Variants in ADAM12 observed in about 807,000 individuals in gnomAD.
ADAM12 encodes ADAM metallopeptidase domain 12.
ADAM12 carries 70 observed loss-of-function variants against 106.4 expected under a neutral mutation model. The ratio of observed to expected loss-of-function variants is 0.66; its 90% confidence interval spans 0.54 to 0.80. ADAM12 has a LOEUF of 0.80. Ranked by LOEUF, ADAM12 falls within the 30% of genes least tolerant of loss-of-function variation. ADAM12 has a pLI of 0.00. For synonymous variants in ADAM12, 420 were observed against 433.5 expected (o/e 0.97, Z 0.39); for missense variants, 1,010 against 1,171.9 (o/e 0.86, Z 2.02).
intron 4 of ADAM12, among the ~76,000 whole-genome samples, chr10:126,151,312 G>C (rs187477388): frequency 3.3e-4 from 50 of 152,236 alleles, no homozygotes; most frequent in Admixed American, 1.3e-3. Context: ...ACTCACAAAA[G>C]CTATTAAAAT....
rs377428903 is a variant in ADAM12, at chr10:126,327,132, C to A, written c.186+3280G>T. Among the ~76,000 whole-genome samples the A allele has an allele frequency of 1.8e-3, 279 of 152,254 alleles. 2 individuals carry two copies. The highest frequency in any genetic ancestry group is 6.4e-3 in the African/African-American group (268 of 41,554). ...GGAGAGAATGGAGGGACAGTCAGAG[C>A]CCCGGAGCCATGGCGTGGGGCTGTG... On this transcript the variant is annotated intron_variant, in intron 2 of 22. Coordinates refer to ENST00000448723, the MANE Select transcript of ADAM12 (RefSeq NM_001288973.2).
At chr10:126,311,373 T>C (rs1461259664) in intron 2 of ADAM12, among the ~76,000 whole-genome samples, 2 of 152,320 alleles carry the variant, frequency 1.3e-5, no homozygotes, top group African/African-American at 4.8e-5. Flanking sequence ...AGCACAGTGC[T>C]TAGGGCACAG....
At chr10:126,324,956 G>A (rs1215074591) in intron 2 of ADAM12, among the ~76,000 whole-genome samples, 1 of 151,912 alleles carries the variant, frequency 6.6e-6, no homozygotes, top group Non-Finnish European at 1.5e-5. Context: ...TCCACGTGTG[G>A]TAGCTCTCAC....
intron 3 of ADAM12, among the ~76,000 whole-genome samples, chr10:126,247,475 C>T (rs1180198678): frequency 1.3e-5 from 2 of 152,164 alleles, no homozygotes; most frequent in South Asian, 4.1e-4. Context: ...AACCCTTGTC[C>T]ACTCAACAAT....
chr10:126,107,833 T>C lies in ADAM12; in HGVS notation c.741+760A>G, dbSNP rs143961768. Among the ~76,000 whole-genome samples the C allele has an allele frequency of 1.1e-3, 161 of 152,200 alleles. No individual in the cohort carries two copies. The East Asian group carries it at 0.028, about 27-fold the overall frequency. ...CAGGGCAACTCCAATATGCGGGGCT[T>C]GTGAGAAGCCTATTTTAGGCTAAGG... On this transcript the variant is annotated intron_variant, in intron 8 of 22. Transcript: ENST00000448723.
chr10:126,211,712 T>C (rs1957904413), intron 3 of ADAM12, among the ~76,000 whole-genome samples: 1 of 152,168 alleles, frequency 6.6e-6, no homozygotes, highest in South Asian at 2.1e-4. Context: ...CTCTGCCTCC[T>C]GGACCATGTG....
chr10:126,274,751 T>G (rs1959207642), intron 3 of ADAM12, among the ~76,000 whole-genome samples: 1 of 152,092 alleles, frequency 6.6e-6, no homozygotes, highest in South Asian at 2.1e-4. Context: ...TCAACATGGG[T>G]TGGGTCAAGG....
chr10:126,255,897 G>A (rs1216612449), intron 3 of ADAM12, among the ~76,000 whole-genome samples: 2 of 152,216 alleles, frequency 1.3e-5, no homozygotes, highest in South Asian at 2.1e-4. Flanking sequence ...GATCCAGCTA[G>A]TGCAGGCTGT....
At chr10:126,382,419 T>C (rs1420108625) in intron 1 of ADAM12, among the ~76,000 whole-genome samples, 3 of 152,156 alleles carry the variant, frequency 2.0e-5, no homozygotes, top group African/African-American at 7.2e-5. Context: ...AAGGATTAAG[T>C]TTAAACAATA....
chr10:126,373,542 C>T (rs140818279), intron 1 of ADAM12, among the ~76,000 whole-genome samples: 119 of 152,328 alleles, frequency 7.8e-4, no homozygotes, highest in Admixed American at 2.4e-3. Flanking sequence ...GATCCACTCG[C>T]TCTAGAGGCC....
At chr10:126,175,193 G>A (rs760661960) in intron 3 of ADAM12, among the ~76,000 whole-genome samples, 1 of 152,152 alleles carries the variant, frequency 6.6e-6, no homozygotes, top group Non-Finnish European at 1.5e-5. Context: ...CAGCACACAC[G>A]AGGAGGTGGT....
At chr10:126,352,759 G>A (rs1855407173) in intron 1 of ADAM12, among the ~76,000 whole-genome samples, 1 of 152,226 alleles carries the variant, frequency 6.6e-6, no homozygotes, top group Admixed American at 6.5e-5. Context: ...TGGGTGGGAA[G>A]TGAGCCTTGG....
chr10:126,057,765 G>A (rs1452424889), intron 14 of ADAM12, among the ~76,000 whole-genome samples: 1 of 152,212 alleles, frequency 6.6e-6, no homozygotes, highest in African/African-American at 2.4e-5. Flanking sequence ...AGGTTGCTCT[G>A]GGAGCTTGGA....
chr10:126,106,780 G>A lies in ADAM12; in HGVS notation c.741+1813C>T, dbSNP rs138362198. Among the ~76,000 whole-genome samples the A allele has an allele frequency of 2.2e-4, 34 of 152,158 alleles. No individual in the cohort carries two copies. In the East Asian group the frequency reaches 5.0e-3, roughly 22 times the overall value. ...ATTACAGGCGTAAGCCACCGCGCCC[G>A]CTCAGGCCTTTATCATTTCTATGCA... On this transcript the variant is annotated intron_variant, in intron 8 of 22. Transcript: ENST00000448723.
chr10:126,033,774 G>A (rs947460374), intron 21 of ADAM12, among the ~76,000 whole-genome samples: 10 of 152,152 alleles, frequency 6.6e-5, no homozygotes, highest in African/African-American at 2.4e-4. Context: ...ACTTTTAGTG[G>A]ATTTCTCATC....
intron 5 of ADAM12, among the ~76,000 whole-genome samples, chr10:126,129,707 G>A (rs1203096648): frequency 1.3e-5 from 2 of 152,296 alleles, no homozygotes; most frequent in Non-Finnish European, 2.9e-5. Flanking sequence ...CAAAATTAAC[G>A]TATGGCCTCA....
At chr10:126,031,253 T>TAACA (rs943588424) in intron 21 of ADAM12, among the ~76,000 whole-genome samples, 6 of 152,220 alleles carry the variant, frequency 3.9e-5, no homozygotes, top group African/African-American at 1.4e-4. Flanking sequence ...GAGAACATAC[T>TAACA]AACAAATGGG....
intron 3 of ADAM12, among the ~76,000 whole-genome samples, chr10:126,257,245 A>T (rs1322627565): frequency 6.6e-6 from 1 of 152,254 alleles, no homozygotes; most frequent in Non-Finnish European, 1.5e-5. Context: ...GAATGATGTC[A>T]GGCAGTGATG....
intron 3 of ADAM12, among the ~76,000 whole-genome samples, chr10:126,236,093 G>A (rs1043657765): frequency 6.6e-6 from 1 of 152,242 alleles, no homozygotes; most frequent in African/African-American, 2.4e-5. Flanking sequence ...GGCCACCAGC[G>A]CGGAAGGAGG....
Sources: gnomAD v4.1 joint callset for allele counts (sites outside exome capture counted in the v4.1 genomes callset) on GRCh38, gnomAD v4.1.1 for gene constraint, MANE v1.5 for transcripts, NCBI Gene and HGNC (gene_info 2026-07-23, HGNC 2026-07-21) for gene names.